WBP2NL: variants seen among roughly 807,000 people sequenced by gnomAD.
The protein encoded by WBP2NL is postacrosomal sheath WW domain-binding protein.
A neutral mutation model predicts 23.3 loss-of-function variants in WBP2NL; 27 were observed. The observed-to-expected ratio is 1.16, with a 90% CI of 0.85 to 1.60. The LOEUF is 1.60. Ranked by LOEUF, WBP2NL falls within the 40% of genes most tolerant of loss-of-function variation. The probability of loss-of-function intolerance (pLI) is 0.00; values close to 1 mark genes in which losing one functional copy is unlikely to be tolerated. For missense variants in WBP2NL, 370 were observed against 389.5 expected, an observed-to-expected ratio of 0.95 and a Z score of 0.42; for synonymous variants, 151 against 145.9, an observed-to-expected ratio of 1.03 and a Z score of -0.25.
intron 8 of WBP2NL, among the ~76,000 whole-genome samples, chr22:42,049,715 A>AC (rs1305966212): frequency 1.4e-5 from 2 of 146,506 alleles, no homozygotes; most frequent in Non-Finnish European, 3.0e-5. Flanking sequence ...CAAAAAAAAA[A>AC]AAAAAAAAAA....
chr22:42,004,697 GTGTATTGC>G, intron 1 of WBP2NL, among the ~76,000 whole-genome samples: 1 of 152,284 alleles, frequency 6.6e-6, no homozygotes, highest in South Asian at 2.1e-4. Context: ...GCCAAAGTGG[GTGTATTGC>G]TTGAGGTCAG....
chr22:42,057,052 G>A (rs1053311879), intron 8 of WBP2NL, among the ~76,000 whole-genome samples: 5 of 152,014 alleles, frequency 3.3e-5, no homozygotes, highest in African/African-American at 1.2e-4. Flanking sequence ...TAACCTACTT[G>A]GAGTTCACTG....
At chr22:42,017,696 G>C (rs937904664) in intron 1 of WBP2NL, among the ~76,000 whole-genome samples, 1 of 152,076 alleles carries the variant, frequency 6.6e-6, no homozygotes, top group African/African-American at 2.4e-5. Context: ...TTATACATTG[G>C]TTACATATAT....
chr22:42,052,210 C>T (rs959561097), intron 8 of WBP2NL, among the ~76,000 whole-genome samples: 10 of 152,174 alleles, frequency 6.6e-5, no homozygotes, highest in African/African-American at 2.4e-4. Flanking sequence ...CATACAGCCT[C>T]TCCAGGGACT....
At chr22:42,043,449 G>A (rs913861149) in intron 8 of WBP2NL, among the ~76,000 whole-genome samples, 3 of 152,224 alleles carry the variant, frequency 2.0e-5, no homozygotes, top group African/African-American at 7.2e-5. Flanking sequence ...ATGGCCAGAT[G>A]TGGGCATATA....
chr22:42,011,923 C>T (rs959686314), intron 1 of WBP2NL, among the ~76,000 whole-genome samples: 1 of 152,232 alleles, frequency 6.6e-6, no homozygotes, highest in African/African-American at 2.4e-5. Context: ...CAGGTGCCCA[C>T]CACCATGCCT....
chr22:42,019,914 TCA>T, intron 3 of WBP2NL, 88 bp from the exon 4 acceptor site: 1 of 1,592,516 alleles, frequency 6.3e-7, no homozygotes, highest in Non-Finnish European at 8.6e-7. Flanking sequence ...CCCTACTTTG[TCA>T]GGTAGTGCTT....
chr22:42,004,043 A>C (rs1414878375), intron 1 of WBP2NL, among the ~76,000 whole-genome samples: 1 of 152,166 alleles, frequency 6.6e-6, no homozygotes, highest in Non-Finnish European at 1.5e-5. Context: ...AGGCCGAGGC[A>C]GGTGGGTCAC....
At position 42,048,206 on chromosome 22, in the gene WBP2NL, G is replaced by A. The variant is rs187828031; in HGVS notation, c.*274-10084G>A. ...GGAGGCCAAGGCGGGCAGATCACAA[G>A]GTCAAGAGATCAAGACCATCCTGGC... On this transcript the variant is annotated intron_variant and NMD_transcript_variant, in intron 8 of 8. Coordinates refer to the WBP2NL transcript ENST00000436265. Among the ~76,000 whole-genome samples the A allele has an allele frequency of 3.1e-3, 468 of 150,978 alleles. 5 individuals carry two copies. Among genetic ancestry groups the A allele is most frequent in the African/African-American group, 0.011 (450 of 40,640 alleles).
intron 1 of WBP2NL, among the ~76,000 whole-genome samples, chr22:42,017,625 A>G (rs1923434437): frequency 6.6e-6 from 1 of 152,190 alleles, no homozygotes; most frequent in South Asian, 2.1e-4. Context: ...AACTATTTAG[A>G]GCACCCACTG....
intron 5 of WBP2NL, 149 bp from the exon 6 acceptor site, chr22:42,026,617 G>A (rs1432279036): frequency 7.7e-6 from 10 of 1,290,764 alleles, no homozygotes; most frequent in Non-Finnish European, 1.1e-5. Flanking sequence ...TTCAATTGGT[G>A]ATAGCTAGAG....
At chr22:42,009,639 G>A (rs1030323180) in intron 1 of WBP2NL, among the ~76,000 whole-genome samples, 2 of 152,274 alleles carry the variant, frequency 1.3e-5, no homozygotes, top group South Asian at 2.1e-4. Context: ...TCACATATAT[G>A]TGAAGATTTG....
chr22:42,055,678 T>C (rs1014885543), intron 8 of WBP2NL, among the ~76,000 whole-genome samples: 1 of 152,234 alleles, frequency 6.6e-6, no homozygotes. Context: ...TATCTATTTC[T>C]GTATTCAATT....
chr22:42,024,123 A>G (rs181534400), intron 5 of WBP2NL, among the ~76,000 whole-genome samples: 4 of 152,306 alleles, frequency 2.6e-5, no homozygotes, highest in African/African-American at 9.6e-5. Context: ...ATCTCACTCA[A>G]GATAACGTTT....
chr22:42,016,837 C>G (rs973774823), intron 1 of WBP2NL, among the ~76,000 whole-genome samples: 3 of 152,222 alleles, frequency 2.0e-5, no homozygotes, highest in African/African-American at 7.2e-5. Context: ...CTCTGATACA[C>G]TACCTTCTTG....
chr22:42,034,280 C>T (rs1056636016), downstream of WBP2NL, among the ~76,000 whole-genome samples: 4 of 152,142 alleles, frequency 2.6e-5, no homozygotes, highest in South Asian at 2.1e-4. Flanking sequence ...TTTTCCTAAG[C>T]GTCGGCTGAC....
downstream of WBP2NL, among the ~76,000 whole-genome samples, chr22:42,034,875 A>C (rs1434818992): frequency 6.6e-6 from 1 of 152,222 alleles, no homozygotes. Flanking sequence ...GTTTAAGGTT[A>C]TCTCTCTTAT....
At chr22:42,043,535 G>T (rs770443882) in intron 8 of WBP2NL, among the ~76,000 whole-genome samples, 1 of 152,176 alleles carries the variant, frequency 6.6e-6, no homozygotes, top group Non-Finnish European at 1.5e-5. Flanking sequence ...TTATGTGTGT[G>T]TGTAGCTGTG....
In WBP2NL at chr22:42,020,061, A is replaced by T. The variant is rs1923738025; in HGVS notation, c.371A>T (p.Glu124Val). The change falls in exon 4 of 6, where the codon GAA becomes GTA. Residue 124 changes from glutamate (E) to valine (V), a missense_variant. By Grantham distance (121) the Glu-to-Val change is moderately radical. Transcript: ENST00000328823. ...GTCTTCAGAAATGGAGATGCCATTG[A>T]ATTTGCCCAGTTGATGGTGAAAGCT... ...KLVFRNGDAI[E>V]FAQLMVKAAS... 1 of 1,614,140 alleles carries T rather than the reference A, an allele frequency of 6.2e-7. No individual in the cohort carries two copies. The highest frequency in any genetic ancestry group is 1.6e-4 in the Middle Eastern group (1 of 6,062).
Sources: gnomAD v4.1 joint callset for allele counts (sites outside exome capture counted in the v4.1 genomes callset) on GRCh38, gnomAD v4.1.1 for gene constraint, MANE v1.5 for transcripts, NCBI Gene and HGNC (gene_info 2026-07-23, HGNC 2026-07-21) for gene names.